The following RALGPS2 variants were observed in gnomAD, a reference collection of about 807,000 sequenced individuals.
RALGPS2 encodes the protein Ral GEF with PH domain and SH3 binding motif 2.
A neutral mutation model predicts 86.8 loss-of-function variants in RALGPS2; 43 were observed. The ratio of observed to expected loss-of-function variants is 0.50; its 90% CI spans 0.39 to 0.64. The LOEUF is 0.64. Among genes scored for constraint, RALGPS2 ranks in the 30% least tolerant of loss-of-function variants. RALGPS2 has a pLI of 0.00. For missense variants in RALGPS2, 536 were observed against 694.6 expected, an observed-to-expected ratio of 0.77 and a Z score of 2.57; for synonymous variants, 243 against 231.3, an observed-to-expected ratio of 1.05 and a Z score of -0.46.
intron 17 of RALGPS2, among the ~76,000 whole-genome samples, chr1:178,898,791 C>T (rs1190902856): frequency 6.6e-6 from 1 of 151,864 alleles, no homozygotes; most frequent in African/African-American, 2.4e-5. Context: ...AGATAAAGGA[C>T]TTGAGTGAAG....
intron 7 of RALGPS2, among the ~76,000 whole-genome samples, chr1:178,827,126 C>G (rs1655783034): frequency 1.3e-5 from 2 of 152,104 alleles, no homozygotes; most frequent in African/African-American, 4.8e-5. Flanking sequence ...ACACAGAAAA[C>G]TATAAAACAT....
At chr1:178,909,258 C>G (rs969225643) in intron 19 of RALGPS2, among the ~76,000 whole-genome samples, 1 of 151,898 alleles carries the variant, frequency 6.6e-6, no homozygotes, top group African/African-American at 2.4e-5. Flanking sequence ...TCCATTGGTT[C>G]TATCCTGTTC....
At chr1:178,807,334 CA>C (rs1262011103) in intron 4 of RALGPS2, among the ~76,000 whole-genome samples, 6 of 151,972 alleles carry the variant, frequency 3.9e-5, no homozygotes, top group African/African-American at 1.4e-4. Flanking sequence ...GACCCTGTCT[CA>C]AAAAAATAAA....
At chr1:178,822,456 G>A (rs1333099523) in intron 7 of RALGPS2, among the ~76,000 whole-genome samples, 1 of 152,058 alleles carries the variant, frequency 6.6e-6, no homozygotes, top group East Asian at 1.9e-4. Flanking sequence ...AAGGATCAAT[G>A]TGTTTTTAAG....
At chr1:178,913,844 C>T (rs895731892) in intron 19 of RALGPS2, among the ~76,000 whole-genome samples, 3 of 152,108 alleles carry the variant, frequency 2.0e-5, no homozygotes, top group African/African-American at 7.2e-5. Context: ...GGTCGACCAC[C>T]GGCTGCACTG....
At chr1:178,879,288 T>C (rs1488064648) in intron 10 of RALGPS2, 2 of 218,262 alleles carry the variant, frequency 9.2e-6, no homozygotes, top group East Asian at 1.1e-4. Context: ...TGAATCCTTA[T>C]AGAATTTGTC....
intron 13 of RALGPS2, among the ~76,000 whole-genome samples, chr1:178,888,483 C>T (rs1659583404): frequency 6.6e-6 from 1 of 152,062 alleles, no homozygotes; most frequent in Non-Finnish European, 1.5e-5. Flanking sequence ...AGTAGTCTCA[C>T]CTAGCTAACT....
At chr1:178,794,488 G>T (rs745557531) in intron 4 of RALGPS2, among the ~76,000 whole-genome samples, 27 of 152,138 alleles carry the variant, frequency 1.8e-4, no homozygotes, top group African/African-American at 6.0e-4. Flanking sequence ...CTTTCATGTT[G>T]CAGAAGCTTG....
chr1:178,884,474 T>TGAA (rs10646893), intron 11 of RALGPS2, among the ~76,000 whole-genome samples: 117,688 of 151,924 alleles, frequency 0.77, 45,913 homozygotes, highest in African/African-American at 0.88. Flanking sequence ...TGATAAGATG[T>TGAA]GAAGTGGAGA....
intron 4 of RALGPS2, among the ~76,000 whole-genome samples, chr1:178,798,203 G>A (rs1013082882): frequency 5.3e-5 from 8 of 152,130 alleles, no homozygotes; most frequent in Admixed American, 2.6e-4. Context: ...GAACTATTAA[G>A]AAACATAAAG....
intron 1 of RALGPS2, among the ~76,000 whole-genome samples, chr1:178,729,262 C>T (rs1450762384): frequency 2.0e-5 from 3 of 152,000 alleles, no homozygotes; most frequent in African/African-American, 7.3e-5. Flanking sequence ...TGTGCCTTTG[C>T]CTTGCTTTAT....
intron 8 of RALGPS2, chr1:178,865,805 T>C: frequency 1.3e-6 from 2 of 1,506,250 alleles, no homozygotes; most frequent in Non-Finnish European, 1.8e-6. Context: ...AATGATGTCT[T>C]TTGAAAAACA....
rs138729593 is a variant in RALGPS2 at position 178,773,620 on chromosome 1, C to T, written c.-83-3062C>T. Among the ~76,000 whole-genome samples the T allele has an allele frequency of 8.4e-3, 1,272 of 152,042 alleles. 17 individuals carry two copies. The highest frequency in any genetic ancestry group is 0.029 in the African/African-American group (1,205 of 41,492). ...TTGACTCCTGGCTAACACGGTGAAA[C>T]CCCATCTCTACTAAAAATACAAAAA... is the stretch of plus-strand genomic sequence containing the variant. On this transcript the variant is annotated intron_variant, in intron 1 of 19. Transcript: ENST00000367635.
At chr1:178,827,163 A>G (rs947464474) in intron 7 of RALGPS2, among the ~76,000 whole-genome samples, 2 of 152,230 alleles carry the variant, frequency 1.3e-5, no homozygotes, top group South Asian at 2.1e-4. Context: ...ATAAGATACA[A>G]ATGAATGGAA....
At chr1:178,883,868 A>C (rs921748319) in intron 11 of RALGPS2, among the ~76,000 whole-genome samples, 2 of 152,110 alleles carry the variant, frequency 1.3e-5, no homozygotes, top group Non-Finnish European at 2.9e-5. Flanking sequence ...GGGCACCTAT[A>C]GTCCCAGCTA....
At chr1:178,819,581 G>T (rs919560866) in intron 6 of RALGPS2, among the ~76,000 whole-genome samples, 27 of 152,162 alleles carry the variant, frequency 1.8e-4, no homozygotes, top group Non-Finnish European at 3.8e-4. Flanking sequence ...TCCTCCAAGG[G>T]ATTGCCAGCT....
chr1:178,792,893 ACCC>A lies in RALGPS2; in HGVS notation c.213+7287_213+7289del. ...ATCTATATTCAACCACTATTAATAT[ACCC>A]TTGCAACTCTTACTTTCACACAGTT... On this transcript the variant is annotated intron_variant, in intron 4 of 19. Coordinates refer to ENST00000367635, the MANE Select transcript of RALGPS2 (RefSeq NM_152663.5). 2.6e-5 allele frequency among the ~76,000 whole-genome samples: 4 copies of A among 152,276 alleles called. No homozygotes were observed. The South Asian group carries it at 8.3e-4, about 32-fold the overall frequency.
At chr1:178,772,800 T>G (rs569413220) in intron 1 of RALGPS2, among the ~76,000 whole-genome samples, 9 of 152,372 alleles carry the variant, frequency 5.9e-5, no homozygotes, top group African/African-American at 2.2e-4. Flanking sequence ...GAAGTAACTT[T>G]GTTATTTTTA....
At chr1:178,771,600 A>G (rs962078811) in intron 1 of RALGPS2, among the ~76,000 whole-genome samples, 3 of 152,100 alleles carry the variant, frequency 2.0e-5, no homozygotes, top group African/African-American at 7.2e-5. Flanking sequence ...ACTAGTAAGC[A>G]GTCTGTGAGG....
Sources: allele counts gnomAD v4.1 joint callset (sites outside exome capture counted in the v4.1 genomes callset), GRCh38; gene constraint gnomAD v4.1.1; transcripts MANE v1.5; gene names NCBI Gene and HGNC (gene_info 2026-07-23, HGNC 2026-07-21).